The following LIMD1 variants were observed in gnomAD, a reference collection of about 807,000 sequenced individuals.
LIMD1 encodes LIM domain containing 1.
In LIMD1, 23 loss-of-function variants were observed where a neutral mutation model predicts 58.4. That is an observed-to-expected ratio of 0.39 (90% confidence interval 0.28 to 0.56). The LOEUF (loss-of-function observed/expected upper bound fraction) is 0.56. Ranked by LOEUF, LIMD1 falls within the 20% of genes least tolerant of loss-of-function variation. The pLI is 0.57. For synonymous variants in LIMD1, 334 were observed against 345.5 expected, an observed-to-expected ratio of 0.97 and a Z score of 0.37; for missense variants, 838 against 855.5, an observed-to-expected ratio of 0.98 and a Z score of 0.25.
At chr3:45,596,741 T>G (rs989585664) in intron 1 of LIMD1, among the ~76,000 whole-genome samples, 3 of 152,076 alleles carry the variant, frequency 2.0e-5, no homozygotes, top group African/African-American at 7.2e-5. Context: ...GACCAGTGAT[T>G]GAGGCAGGGG....
intron 1 of LIMD1, among the ~76,000 whole-genome samples, chr3:45,616,837 C>T (rs13059179): frequency 0.046 from 6,956 of 151,716 alleles, 191 homozygotes; most frequent in East Asian, 0.14. Flanking sequence ...TCACTGCAGC[C>T]TCTGTCTCCC....
intron 1 of LIMD1, among the ~76,000 whole-genome samples, chr3:45,635,433 A>G (rs1195553121): frequency 1.3e-5 from 2 of 151,912 alleles, no homozygotes; most frequent in African/African-American, 2.4e-5. Context: ...CTGGGCTAAG[A>G]CCCTGTGGGA....
intron 2 of LIMD1, among the ~76,000 whole-genome samples, chr3:45,645,917 G>C (rs371432431): frequency 1.2e-3 from 176 of 151,800 alleles, no homozygotes; most frequent in African/African-American, 4.2e-3. Context: ...ATCCATGCCT[G>C]TAAGCCAGTG....
At chr3:45,623,361 G>T (rs557635661) in intron 1 of LIMD1, among the ~76,000 whole-genome samples, 1 of 152,222 alleles carries the variant, frequency 6.6e-6, no homozygotes, top group South Asian at 2.1e-4. Flanking sequence ...TTGGGGGTGG[G>T]GTGCAGGACT....
intron 1 of LIMD1, among the ~76,000 whole-genome samples, chr3:45,627,148 G>A (rs1020590199): frequency 1.1e-4 from 17 of 152,074 alleles, no homozygotes; most frequent in South Asian, 4.1e-4. Context: ...GCGTAGGGGT[G>A]GGCTTGGCCT....
At chr3:45,601,074 C>T (rs765498579) in intron 1 of LIMD1, among the ~76,000 whole-genome samples, 5 of 152,064 alleles carry the variant, frequency 3.3e-5, no homozygotes, top group Non-Finnish European at 7.4e-5. Context: ...AAAACAAAAA[C>T]AAAAACAAAA....
intron 1 of LIMD1, among the ~76,000 whole-genome samples, chr3:45,634,033 A>G (rs1464866980): frequency 2.0e-5 from 3 of 152,194 alleles, no homozygotes; most frequent in African/African-American, 7.2e-5. Context: ...TAGGGGAGCA[A>G]TTGATATTTA....
Position 45,674,405 on chromosome 3 carries a change from C to A in LIMD1, c.1887C>A (p.His629Gln), listed in dbSNP as rs766027020. ...MDRDYHVECY[H>Q]CEDCGLELND... Reference sequence around the variant, plus strand: ...GAGACTACCACGTGGAGTGTTACCACTGCGAGGTAGACCCCTCCCCACCCA... The same window carrying A: ...GAGACTACCACGTGGAGTGTTACCAATGCGAGGTAGACCCCTCCCCACCCA... Residue 629 changes from histidine to glutamine, a missense_variant, in exon 7 of 8, where the codon CAC becomes CAA. His to Gln is a conservative substitution (Grantham distance 24). Transcript: ENST00000273317. 10 of 1,613,388 alleles carry A rather than the reference C, an allele frequency of 6.2e-6. No individual in the cohort carries two copies. The African/African-American group carries it at 1.3e-4, about 22-fold the overall frequency.
chr3:45,662,593 TTCCCATCCTC>T (rs945030541), intron 2 of LIMD1, among the ~76,000 whole-genome samples: 7 of 152,298 alleles, frequency 4.6e-5, no homozygotes, highest in African/African-American at 1.4e-4. Flanking sequence ...TTGATTCCTT[TTCCCATCCTC>T]TCCCTTCCTT....
At chr3:45,607,801 C>T (rs921569932) in intron 1 of LIMD1, among the ~76,000 whole-genome samples, 8 of 152,150 alleles carry the variant, frequency 5.3e-5, no homozygotes, top group South Asian at 2.1e-4. Flanking sequence ...TTTTTGTGCC[C>T]GAAACCCCTT....
intron 1 of LIMD1, among the ~76,000 whole-genome samples, chr3:45,607,988 T>C (rs1254006115): frequency 6.6e-6 from 1 of 152,228 alleles, no homozygotes; most frequent in Non-Finnish European, 1.5e-5. Flanking sequence ...TCCTGCTACC[T>C]CAGTTTGCAT....
rs148755802 is a variant in LIMD1 at position 45,595,919 on chromosome 3, G to C, written c.1040G>C (p.Ser347Thr). 1.2e-6 allele frequency: 2 copies of C among 1,614,190 alleles called. No individual in the cohort carries two copies. Among genetic ancestry groups the C allele is most frequent in the Middle Eastern group, 3.3e-4 (2 of 6,062 alleles). Residue 347 changes from serine to threonine, a missense_variant, in exon 1 of 8, where the codon AGT becomes ACT. By Grantham distance (58) the Ser-to-Thr change is moderately conservative. This residue lies in a region of LIMD1 where 659 missense variants were observed against 639.8 expected (regional missense o/e 1.03). Coordinates refer to ENST00000273317, the MANE Select transcript of LIMD1 (RefSeq NM_014240.3). The part of the protein sequence containing the change: ...FQDGPKSYLS[S>T]SAPSSSPAGL... The stretch of plus-strand genomic sequence containing the variant: ...GATGGGCCCAAATCTTACCTTTCCA[G>C]TTCTGCCCCGTCATCCTCGCCAGCT...
chr3:45,659,730 C>G (rs11130072), intron 2 of LIMD1, among the ~76,000 whole-genome samples: 8,789 of 152,122 alleles, frequency 0.058, 811 homozygotes, highest in African/African-American at 0.2. Flanking sequence ...TTTATATAAC[C>G]ATTCCTCTAA....
rs138676105 is a variant in LIMD1 at position 45,610,614 on chromosome 3, G to A, written c.1408+14327G>A. ...TGGGAATGAAAAGCCTAATAAGCAC[G>A]TGGGCTTTGGATCTGCCACCCCCCA... On this transcript the variant is annotated intron_variant, in intron 1 of 7. Transcript: ENST00000273317. Among the ~76,000 whole-genome samples the A allele has an allele frequency of 2.7e-4, 41 of 152,288 alleles. 1 individual carries two copies. Among genetic ancestry groups the A allele is most frequent in the South Asian group, 6.2e-4 (3 of 4,816 alleles).
chr3:45,617,731 T>A (rs1017976450), intron 1 of LIMD1, among the ~76,000 whole-genome samples: 1 of 152,222 alleles, frequency 6.6e-6, no homozygotes, highest in Non-Finnish European at 1.5e-5. Flanking sequence ...GTGGGTGGAC[T>A]CTGCTGGAGG....
chr3:45,665,642 T>C lies in LIMD1; in HGVS notation c.1511-8T>C, dbSNP rs1189627556. ...TTTTTTACCCTGTGTTTGTGATTTT[T>C]TCCTTAGGCCGGAAGCTGAGAGGAA... On this transcript the variant is annotated splice_polypyrimidine_tract_variant and splice_region_variant and intron_variant, in intron 2 of 7. Coordinates refer to ENST00000273317, the MANE Select transcript of LIMD1 (RefSeq NM_014240.3). 1.9e-6 allele frequency: 3 copies of C among 1,613,004 alleles called. No individual in the cohort carries two copies. The highest frequency in any genetic ancestry group is 1.3e-5 in the African/African-American group (1 of 74,860).
At chr3:45,643,728 G>A (rs2125660960) in intron 2 of LIMD1, among the ~76,000 whole-genome samples, 1 of 152,320 alleles carries the variant, frequency 6.6e-6, no homozygotes, top group South Asian at 2.1e-4. Context: ...CCCACCTTGG[G>A]GATGGAAGCT....
rs148578146 is a variant in LIMD1, at chr3:45,635,247, T to TTC, written c.1409-888_1409-887dup. ...AGTGAGACTCTGTCTCAAAAAAAAG[T>TTC]TCTCTCTCTCTCTCTCGATGGATGA... On this transcript the variant is annotated intron_variant, in intron 1 of 7. Coordinates refer to ENST00000273317, the MANE Select transcript of LIMD1 (RefSeq NM_014240.3). Among the ~76,000 whole-genome samples, 484 of 150,304 alleles carry TTC rather than the reference T, an allele frequency of 3.2e-3. 2 individuals carry two copies. Among genetic ancestry groups the TTC allele is most frequent in the Non-Finnish European group, 5.3e-3 (355 of 67,330 alleles).
chr3:45,619,820 A>AC (rs1701613098), intron 1 of LIMD1, among the ~76,000 whole-genome samples: 9 of 77,310 alleles, frequency 1.2e-4, no homozygotes, highest in Non-Finnish European at 1.9e-4. Context: ...AATAATAACC[A>AC]ACCCCCCGCC....
Sources: gnomAD v4.1 joint callset for allele counts (sites outside exome capture counted in the v4.1 genomes callset) on GRCh38, gnomAD v4.1.1 for gene constraint, gnomAD v4.1.1 regional missense constraint, MANE v1.5 for transcripts, NCBI Gene and HGNC (gene_info 2026-07-23, HGNC 2026-07-21) for gene names.